ZER1: variants seen among roughly 807,000 people sequenced by gnomAD.
ZER1 encodes zyg-11 related cell cycle regulator.
Under a neutral mutation model 78.8 loss-of-function variants are expected in ZER1, and 11 were observed. The ratio of observed to expected loss-of-function variants is 0.14; its 90% CI spans 0.09 to 0.23. The LOEUF is 0.23. ZER1 is among the 10% of genes least tolerant of loss of function. The pLI, the probability that ZER1 is intolerant of heterozygous loss-of-function variation, is 1.00. For missense variants in ZER1, 588 were observed against 996.9 expected (o/e 0.59, Z 5.52); for synonymous variants, 400 against 407.0 (o/e 0.98, Z 0.21).
chr9:128,748,774 G>A (rs905111112), intron 8 of ZER1, among the ~76,000 whole-genome samples: 9 of 151,552 alleles, frequency 5.9e-5, no homozygotes, highest in African/African-American at 1.2e-4. Flanking sequence ...GTTTCACCAC[G>A]TTGGCCAGGC....
At chr9:128,766,504 T>A (rs1864213389) in intron 1 of ZER1, among the ~76,000 whole-genome samples, 1 of 152,164 alleles carries the variant, frequency 6.6e-6, no homozygotes, top group Non-Finnish European at 1.5e-5. Context: ...CCAGAGACTA[T>A]GGATCTGAAC....
chr9:128,763,674 T>C (rs911169758), intron 1 of ZER1, among the ~76,000 whole-genome samples: 1 of 151,426 alleles, frequency 6.6e-6, no homozygotes, highest in Non-Finnish European at 1.5e-5. Context: ...GACTGGGGAG[T>C]CAGAGCAGGT....
At chr9:128,735,305 G>A (rs1461535501) in intron 14 of ZER1, 29 bp downstream of exon 14, 1 of 1,595,554 alleles carries the variant, frequency 6.3e-7, no homozygotes, top group East Asian at 2.2e-5. Context: ...CTGGATGAGT[G>A]TCTGAACCCA....
chr9:128,752,285 C>A (rs1289749269), intron 5 of ZER1, among the ~76,000 whole-genome samples: 2 of 152,090 alleles, frequency 1.3e-5, no homozygotes, highest in African/African-American at 4.8e-5. Context: ...ATCTCTAGCA[C>A]CCAGCACAGC....
chr9:128,761,905 A>G (rs960707702), intron 1 of ZER1, among the ~76,000 whole-genome samples: 2 of 151,796 alleles, frequency 1.3e-5, no homozygotes, highest in Non-Finnish European at 2.9e-5. Context: ...CGCCCGGCTG[A>G]CCCCATCTTA....
At chr9:128,762,489 G>GTCT (rs139534165) in intron 1 of ZER1, among the ~76,000 whole-genome samples, 1,871 of 152,290 alleles carry the variant, frequency 0.012, 12 homozygotes, top group Middle Eastern at 0.02. Flanking sequence ...TTGGGCAAGT[G>GTCT]TCTCCACCTC....
chr9:128,734,144 A>AAAAAATATATATAT, intron 14 of ZER1, among the ~76,000 whole-genome samples: 5 of 14,456 alleles, frequency 3.5e-4, no homozygotes, highest in African/African-American at 9.3e-4. Context: ...AAAAAAAAAA[A>AAAAAATATATATAT]ATATATATAT....
intron 13 of ZER1, among the ~76,000 whole-genome samples, chr9:128,739,351 A>T (rs1863208749): frequency 6.6e-6 from 1 of 151,654 alleles, no homozygotes; most frequent in Non-Finnish European, 1.5e-5. Context: ...AAATACAAAA[A>T]AATTAACCGG....
chr9:128,771,087 A>C (rs1332156543), intron 1 of ZER1, among the ~76,000 whole-genome samples: 1 of 152,214 alleles, frequency 6.6e-6, no homozygotes. Context: ...CTTTCGGTCA[A>C]AGAGCAGCCA....
Position 128,753,358 on chromosome 9 carries a change from G to T in ZER1, c.552C>A (p.Arg184=), listed in dbSNP as rs374552120. The stretch of plus-strand genomic sequence containing the variant: ...ACTCCACAGGGACCCAATCAATCAT[G>T]CGGCCCAAGTTGAGGAAGCGGAGGC... ...FSRLRFLNLG[R]MIDWVPVESL... is the part of the protein sequence containing the mutation. Residue 184 remains arginine, a synonymous_variant, in exon 4 of 16, where the codon CGC becomes CGA. Coordinates refer to ENST00000291900, the MANE Select transcript of ZER1 (RefSeq NM_006336.4). The surrounding 1 kb of genome is among the most constrained non-coding windows in gnomAD (Gnocchi z 7.5). 12 of 1,613,702 alleles carry T rather than the reference G, an allele frequency of 7.4e-6. No homozygotes were observed. The African/African-American group carries it at 1.2e-4, about 16-fold the overall frequency.
rs77059707 is a variant in ZER1 at position 128,737,362 on chromosome 9, A to C, written c.2043-1931T>G. ...CCAAAAGCCTGAAACACGTGTGTGC[A>C]AAACTCCTGGGCCAGCGATTCCGCT... On this transcript the variant is annotated intron_variant, in intron 13 of 15. Coordinates refer to ENST00000291900, the MANE Select transcript of ZER1 (RefSeq NM_006336.4). 5.5e-3 allele frequency among the ~76,000 whole-genome samples: 830 copies of C among 152,256 alleles called. 8 individuals carry two copies. The highest frequency in any genetic ancestry group is 0.015 in the African/African-American group (607 of 41,554).
intron 5 of ZER1, among the ~76,000 whole-genome samples, chr9:128,752,090 G>C (rs1376904701): frequency 6.6e-6 from 1 of 152,144 alleles, no homozygotes; most frequent in Non-Finnish European, 1.5e-5. Context: ...GCTAGAACAC[G>C]CTTCCTCTGG....
intron 1 of ZER1, among the ~76,000 whole-genome samples, chr9:128,762,481 G>A (rs1589545518): frequency 6.6e-6 from 1 of 152,118 alleles, no homozygotes; most frequent in Admixed American, 6.5e-5. Context: ...AGACAAACTT[G>A]GGCAAGTGTC....
At chr9:128,761,585 C>A (rs369014146) in intron 1 of ZER1, among the ~76,000 whole-genome samples, 1 of 149,730 alleles carries the variant, frequency 6.7e-6, no homozygotes, top group African/African-American at 2.5e-5. Flanking sequence ...CATGTCCAGC[C>A]CTATGACCCC....
chr9:128,747,148 G>A (rs754686545), intron 8 of ZER1, among the ~76,000 whole-genome samples: 1 of 150,758 alleles, frequency 6.6e-6, no homozygotes, highest in South Asian at 2.1e-4. Flanking sequence ...GTAGTGAGCC[G>A]AGATCACACC....
At position 128,744,129 on chromosome 9, in the gene ZER1, C is replaced by A. The variant is rs918398898; in HGVS notation, c.1360-1384G>T. 2.0e-5 allele frequency among the ~76,000 whole-genome samples: 3 copies of A among 151,574 alleles called. No homozygotes were observed. In the East Asian group the frequency reaches 5.9e-4, roughly 30 times the overall value. ...GGCCAGGATGGTCTTGAACTTCTGA[C>A]CTCGTGATCCACCCACCTCGGCCTC... On this transcript the variant is annotated intron_variant, in intron 8 of 15. Coordinates refer to ENST00000291900, the MANE Select transcript of ZER1 (RefSeq NM_006336.4).
intron 13 of ZER1, among the ~76,000 whole-genome samples, chr9:128,737,966 G>A (rs536086806): frequency 1.1e-3 from 171 of 152,236 alleles, no homozygotes; most frequent in African/African-American, 3.9e-3. Context: ...GCCTCCCAAA[G>A]TGCTGGGATT....
intron 1 of ZER1, among the ~76,000 whole-genome samples, chr9:128,766,064 A>C (rs1416435921): frequency 6.6e-6 from 1 of 152,164 alleles, no homozygotes; most frequent in Non-Finnish European, 1.5e-5. Flanking sequence ...TATACCAAGA[A>C]TTCTGGCTGG....
At chr9:128,742,460 C>T (rs905947825) in intron 9 of ZER1, 70 bp downstream of exon 9, 35 of 1,567,812 alleles carry the variant, frequency 2.2e-5, no homozygotes, top group African/African-American at 8.1e-5. Context: ...CTGAGACTCT[C>T]GCTCAGGGTA....
Sources: allele counts gnomAD v4.1 joint callset (sites outside exome capture counted in the v4.1 genomes callset), GRCh38; gene constraint gnomAD v4.1.1; non-coding constraint Gnocchi (gnomAD v3.1); transcripts MANE v1.5; gene names NCBI Gene and HGNC (gene_info 2026-07-23, HGNC 2026-07-21).